Variants in UNC13C observed in about 807,000 individuals in gnomAD.
UNC13C encodes unc-13 homolog C.
Under a neutral mutation model 245.4 loss-of-function variants are expected in UNC13C, and 174 were observed. The ratio of observed to expected loss-of-function variants is 0.71; its 90% CI spans 0.63 to 0.80. The LOEUF (loss-of-function observed/expected upper bound fraction) is 0.80. UNC13C is among the 30% of genes least tolerant of loss of function. The pLI is 0.00. For synonymous variants in UNC13C, 992 were observed against 895.1 expected (o/e 1.11, Z -1.93); for missense variants, 2,829 against 2,602.9 (o/e 1.09, Z -1.89).
chr15:54,064,896 A>G (rs1378791532), intron 2 of UNC13C, among the ~76,000 whole-genome samples: 1 of 152,234 alleles, frequency 6.6e-6, no homozygotes, highest in East Asian at 1.9e-4. Flanking sequence ...GAAGTTCTCA[A>G]AATCAGAGAA....
the UNC13C span, among the ~76,000 whole-genome samples, chr15:53,895,739 T>A: frequency 2.0e-5 from 3 of 152,188 alleles, no homozygotes; most frequent in African/African-American, 7.2e-5. Flanking sequence ...ATTCATTATA[T>A]CATTACTATT....
At chr15:54,390,583 T>G (rs2039933602) in intron 17 of UNC13C, among the ~76,000 whole-genome samples, 1 of 152,088 alleles carries the variant, frequency 6.6e-6, no homozygotes, top group Admixed American at 6.6e-5. Flanking sequence ...TGTATTTTTA[T>G]TTGCTATTAA....
intron 29 of UNC13C, among the ~76,000 whole-genome samples, chr15:54,556,142 A>G (rs2141198665): frequency 6.6e-6 from 1 of 152,110 alleles, no homozygotes; most frequent in South Asian, 2.1e-4. Context: ...ATATCCATAT[A>G]TATTTATATG....
chr15:54,305,021 A>G (rs754609980), intron 13 of UNC13C, among the ~76,000 whole-genome samples: 1 of 152,228 alleles, frequency 6.6e-6, no homozygotes, highest in East Asian at 1.9e-4. Flanking sequence ...ATGGAACAGC[A>G]TAGAGGTGCA....
At chr15:53,988,069 GGT>G (rs1242760210) in intron 1 of UNC13C, among the ~76,000 whole-genome samples, 1 of 151,890 alleles carries the variant, frequency 6.6e-6, no homozygotes. Flanking sequence ...CATCCAGGCT[GGT>G]CTGAATTTCT....
the UNC13C span, among the ~76,000 whole-genome samples, chr15:53,921,226 A>G: frequency 6.6e-6 from 1 of 152,176 alleles, no homozygotes; most frequent in Non-Finnish European, 1.5e-5. Context: ...AATTGAATCA[A>G]TGTCTTTATT....
At chr15:54,385,119 T>C (rs2039809048) in intron 17 of UNC13C, among the ~76,000 whole-genome samples, 1 of 151,930 alleles carries the variant, frequency 6.6e-6, no homozygotes, top group Non-Finnish European at 1.5e-5. Context: ...AATATAGCAA[T>C]CCCGCTACTG....
intron 19 of UNC13C, among the ~76,000 whole-genome samples, chr15:54,415,730 T>C (rs780444463): frequency 6.6e-6 from 1 of 152,156 alleles, no homozygotes; most frequent in African/African-American, 2.4e-5. Context: ...ATTGGTGCAC[T>C]GGATGTAGGG....
intron 2 of UNC13C, among the ~76,000 whole-genome samples, chr15:54,088,382 G>T (rs1899369718): frequency 6.6e-6 from 1 of 152,004 alleles, no homozygotes; most frequent in African/African-American, 2.4e-5. Flanking sequence ...GCAGAGAGGG[G>T]ACATGCTATT....
intron 2 of UNC13C, 72 bp from the exon 3 acceptor site, chr15:54,142,946 T>C: frequency 1.6e-6 from 2 of 1,273,074 alleles, no homozygotes; most frequent in Non-Finnish European, 2.3e-6. Context: ...TCTGTTCATG[T>C]ATATGTTTAA....
At chr15:54,482,065 C>T (rs533810889) in intron 19 of UNC13C, among the ~76,000 whole-genome samples, 5 of 152,208 alleles carry the variant, frequency 3.3e-5, no homozygotes, top group South Asian at 2.1e-4. Context: ...CACTTTGTCT[C>T]GCTTTTTTCT....
At chr15:54,394,199 C>A (rs941313876) in intron 18 of UNC13C, among the ~76,000 whole-genome samples, 2 of 151,920 alleles carry the variant, frequency 1.3e-5, no homozygotes, top group African/African-American at 4.8e-5. Context: ...CAGTCTTCAT[C>A]CTTTTCTACT....
At chr15:54,049,308 C>A (rs1897174398) in intron 2 of UNC13C, 11 of 521,428 alleles carry the variant, frequency 2.1e-5, no homozygotes, top group South Asian at 1.7e-4. Context: ...AAATAAAGGG[C>A]CCTTCATATG....
chr15:54,213,883 A>G (rs530263130), intron 4 of UNC13C, among the ~76,000 whole-genome samples: 2 of 152,166 alleles, frequency 1.3e-5, no homozygotes, highest in East Asian at 1.9e-4. Flanking sequence ...CTCTAATCCA[A>G]TGGCACCAGA....
Position 53,983,337 on chromosome 15 carries a change from A to T in UNC13C, c.-257+4410A>T, listed in dbSNP as rs575828475. On this transcript the variant is annotated intron_variant, in intron 1 of 32. Coordinates refer to ENST00000260323, the MANE Select transcript of UNC13C (RefSeq NM_001080534.3). ...CACACTCAATGAGAATATGTTAGACAAAAGAGGGCTGCAGGGAGCTCTCGT... is the reference window on the plus strand; with the variant it reads ...CACACTCAATGAGAATATGTTAGACTAAAGAGGGCTGCAGGGAGCTCTCGT... 2.0e-5 allele frequency among the ~76,000 whole-genome samples: 3 copies of T among 152,168 alleles called. No individual in the cohort carries two copies. The East Asian group carries it at 5.8e-4, about 30-fold the overall frequency.
At chr15:54,400,984 C>T (rs2040170948) in intron 18 of UNC13C, among the ~76,000 whole-genome samples, 1 of 152,080 alleles carries the variant, frequency 6.6e-6, no homozygotes, top group South Asian at 2.1e-4. Flanking sequence ...AGCTGGAAAC[C>T]ATCATTCTCA....
chr15:53,925,363 G>C, the UNC13C span, among the ~76,000 whole-genome samples: 1 of 152,198 alleles, frequency 6.6e-6, no homozygotes, highest in Non-Finnish European at 1.5e-5. Context: ...GACCTGTCAA[G>C]ATTTCAAACC....
intron 17 of UNC13C, among the ~76,000 whole-genome samples, chr15:54,380,708 T>C (rs1034135953): frequency 2.0e-5 from 3 of 152,204 alleles, no homozygotes; most frequent in Admixed American, 2.0e-4. Flanking sequence ...TCCCTGATAA[T>C]AAATGATGCT....
At chr15:54,368,779 A>C (rs182119204) in intron 17 of UNC13C, among the ~76,000 whole-genome samples, 1 of 152,268 alleles carries the variant, frequency 6.6e-6, no homozygotes, top group African/African-American at 2.4e-5. Flanking sequence ...GAATAGACCC[A>C]ACAATTAAAT....
Sources: gnomAD v4.1 joint callset for allele counts (sites outside exome capture counted in the v4.1 genomes callset) on GRCh38, gnomAD v4.1.1 for gene constraint, MANE v1.5 for transcripts, NCBI Gene and HGNC (gene_info 2026-07-23, HGNC 2026-07-21) for gene names.